The following KCNAB1 variants were observed in gnomAD, a reference collection of about 807,000 sequenced individuals.
The protein encoded by KCNAB1 is potassium voltage-gated channel subfamily A regulatory beta subunit 1.
KCNAB1 carries 35 observed loss-of-function variants against 64.6 expected under a neutral mutation model. The observed-to-expected ratio is 0.54, with a 90% CI of 0.41 to 0.72. KCNAB1 has a LOEUF of 0.72. Among genes scored for constraint, KCNAB1 ranks in the 30% least tolerant of loss-of-function variants. KCNAB1 has a pLI of 0.00. For missense variants in KCNAB1, 401 were observed against 512.9 expected (o/e 0.78, Z 2.11); for synonymous variants, 177 against 183.8 (o/e 0.96, Z 0.30).
chr3:156,451,642 C>T (rs944639185), intron 2 of KCNAB1, among the ~76,000 whole-genome samples: 1 of 152,042 alleles, frequency 6.6e-6, no homozygotes, highest in Non-Finnish European at 1.5e-5. Context: ...CATTTTCGAC[C>T]ACATTTCTTT....
intron 1 of KCNAB1, among the ~76,000 whole-genome samples, chr3:156,177,774 C>T (rs1345946174): frequency 6.7e-6 from 1 of 150,322 alleles, no homozygotes; most frequent in East Asian, 2.0e-4. Context: ...AGAGTCTCGC[C>T]CTGTCGCCCA....
At chr3:156,494,051 A>G (rs914142497) in intron 8 of KCNAB1, among the ~76,000 whole-genome samples, 35 of 152,296 alleles carry the variant, frequency 2.3e-4, no homozygotes, top group African/African-American at 7.7e-4. Context: ...GTTTCTCATC[A>G]GGATGATGCG....
rs147662216 is a variant in KCNAB1, at chr3:156,254,835, A to C, written c.275+133949A>C. 1.2e-3 allele frequency among the ~76,000 whole-genome samples: 190 copies of C among 152,342 alleles called. 1 individual carries two copies. Among genetic ancestry groups the C allele is most frequent in the African/African-American group, 4.4e-3 (181 of 41,570 alleles). On this transcript the variant is annotated intron_variant, in intron 1 of 13. Coordinates refer to ENST00000490337, the MANE Select transcript of KCNAB1 (RefSeq NM_172160.3). ...CCATCCTCCAGTCTTCTGTAACATCAAAATCTCAAAGCATTTCCTGATTTG... is the reference window on the plus strand; with the variant it reads ...CCATCCTCCAGTCTTCTGTAACATCCAAATCTCAAAGCATTTCCTGATTTG...
At chr3:156,135,775 C>T (rs936969918) in intron 1 of KCNAB1, among the ~76,000 whole-genome samples, 1 of 152,154 alleles carries the variant, frequency 6.6e-6, no homozygotes. Context: ...AGTTCCAGAC[C>T]CCATAGAAAT....
chr3:156,308,120 G>A (rs1721634143), intron 1 of KCNAB1, among the ~76,000 whole-genome samples: 1 of 152,158 alleles, frequency 6.6e-6, no homozygotes, highest in African/African-American at 2.4e-5. Flanking sequence ...GTTGGGCAGG[G>A]GACATTATTT....
intron 8 of KCNAB1, among the ~76,000 whole-genome samples, chr3:156,505,808 G>C (rs992261461): frequency 6.6e-6 from 1 of 152,144 alleles, no homozygotes; most frequent in African/African-American, 2.4e-5. Flanking sequence ...AAGGCTAAGA[G>C]GGGGAGAGGG....
chr3:156,329,267 C>G (rs957218529), intron 1 of KCNAB1, among the ~76,000 whole-genome samples: 1 of 152,066 alleles, frequency 6.6e-6, no homozygotes, highest in Non-Finnish European at 1.5e-5. Context: ...CTTCCCCCAC[C>G]ACCTAATGTG....
intron 2 of KCNAB1, among the ~76,000 whole-genome samples, chr3:156,437,082 T>C (rs1305069954): frequency 1.3e-5 from 2 of 152,204 alleles, no homozygotes; most frequent in Non-Finnish European, 2.9e-5. Context: ...TTTTTTAAAA[T>C]TGAAGTTTAT....
rs10624040 is a variant in KCNAB1, at chr3:156,182,695, A to ATTTTTTTTTTTTTTTTTT, written c.275+61810_275+61827dup. On this transcript the variant is annotated intron_variant, in intron 1 of 13. Coordinates refer to ENST00000490337, the MANE Select transcript of KCNAB1 (RefSeq NM_172160.3). ...CAAGGTATCTTCCTAAAGTAAGACA[A>ATTTTTTTTTTTTTTTTTT]TTTTTTTTTTTTTTTTTTATTTTGC... Among the ~76,000 whole-genome samples the ATTTTTTTTTTTTTTTTTT allele has an allele frequency of 6.9e-4, 91 of 132,696 alleles. 4 individuals carry two copies. Among genetic ancestry groups the ATTTTTTTTTTTTTTTTTT allele is most frequent in the Non-Finnish European group, 1.2e-3 (78 of 64,086 alleles). 87.1% of individuals were successfully genotyped at this position (132,696 alleles called of 152,430 possible). A position where few individuals can be genotyped will look rare whatever the true frequency, so the allele number is the denominator to read the frequency against.
chr3:156,347,607 A>C (rs1392619574), intron 1 of KCNAB1, among the ~76,000 whole-genome samples: 1 of 152,202 alleles, frequency 6.6e-6, no homozygotes, highest in African/African-American at 2.4e-5. Flanking sequence ...CCCCTGAGAA[A>C]ATACATCCAA....
chr3:156,275,674 A>C (rs781602990), intron 1 of KCNAB1, among the ~76,000 whole-genome samples: 5 of 152,210 alleles, frequency 3.3e-5, no homozygotes, highest in Non-Finnish European at 4.4e-5. Context: ...AGTAGATTCC[A>C]TCTTAAGAAA....
chr3:156,355,081 G>C (rs918931696), intron 1 of KCNAB1, among the ~76,000 whole-genome samples: 1 of 152,176 alleles, frequency 6.6e-6, no homozygotes, highest in Non-Finnish European at 1.5e-5. Context: ...TTCAGTGTCT[G>C]TTAAGCCTGA....
intron 1 of KCNAB1, among the ~76,000 whole-genome samples, chr3:156,173,215 C>T (rs1386053738): frequency 1.3e-5 from 2 of 152,190 alleles, no homozygotes; most frequent in East Asian, 3.9e-4. Flanking sequence ...TAGAAATTGA[C>T]TCAGCACTTT....
chr3:156,298,525 A>G (rs1720942694), intron 1 of KCNAB1, among the ~76,000 whole-genome samples: 1 of 152,224 alleles, frequency 6.6e-6, no homozygotes. Flanking sequence ...AAAAAATCCC[A>G]TCACATTCAA....
intron 8 of KCNAB1, among the ~76,000 whole-genome samples, chr3:156,514,045 C>A (rs2108390927): frequency 6.6e-6 from 1 of 152,208 alleles, no homozygotes; most frequent in South Asian, 2.1e-4. Context: ...AAAGGTAAAT[C>A]ATGTATTCTT....
intron 1 of KCNAB1, among the ~76,000 whole-genome samples, chr3:156,339,464 G>A (rs1723950552): frequency 6.6e-6 from 1 of 152,178 alleles, no homozygotes; most frequent in South Asian, 2.1e-4. Flanking sequence ...CAGAGGAGGA[G>A]TTGAGGTTCA....
At chr3:156,417,961 G>C (rs1218386271) in intron 1 of KCNAB1, among the ~76,000 whole-genome samples, 1 of 152,212 alleles carries the variant, frequency 6.6e-6, no homozygotes, top group Non-Finnish European at 1.5e-5. Context: ...ACAAAGCTAA[G>C]TGTTCTGTGC....
At chr3:156,273,698 T>C in intron 1 of KCNAB1, 1 of 453,862 alleles carries the variant, frequency 2.2e-6, no homozygotes, top group South Asian at 1.6e-5. Flanking sequence ...TCTCAGCTGA[T>C]GTTTGGTTCT....
chr3:156,153,837 C>T (rs1560110294), intron 1 of KCNAB1, among the ~76,000 whole-genome samples: 1 of 152,212 alleles, frequency 6.6e-6, no homozygotes, highest in Non-Finnish European at 1.5e-5. Flanking sequence ...ATCAGAATTA[C>T]ACTATTGGCT....
Sources: allele counts gnomAD v4.1 joint callset (sites outside exome capture counted in the v4.1 genomes callset), GRCh38; gene constraint gnomAD v4.1.1; transcripts MANE v1.5; gene names NCBI Gene and HGNC (gene_info 2026-07-23, HGNC 2026-07-21).